Variants in RAPGEF4 observed in about 807,000 individuals in gnomAD.
RAPGEF4 encodes the protein RAP guanine-nucleotide-exchange factor (GEF) 4.
Under a neutral mutation model 147.9 loss-of-function variants are expected in RAPGEF4, and 66 were observed. The observed-to-expected ratio is 0.45, with a 90% CI of 0.37 to 0.55. The LOEUF (loss-of-function observed/expected upper bound fraction) is 0.55. Among genes scored for constraint, RAPGEF4 ranks in the 20% least tolerant of loss-of-function variants. The pLI, the probability that RAPGEF4 is intolerant of heterozygous loss-of-function variation, is 0.00. For missense variants in RAPGEF4, 1,071 were observed against 1,257.3 expected, an observed-to-expected ratio of 0.85 and a Z score of 2.24; for synonymous variants, 419 against 442.7, an observed-to-expected ratio of 0.95 and a Z score of 0.67.
At chr2:172,931,060 C>G (rs761822141) in intron 6 of RAPGEF4, among the ~76,000 whole-genome samples, 1 of 151,798 alleles carries the variant, frequency 6.6e-6, no homozygotes, top group Non-Finnish European at 1.5e-5. Flanking sequence ...CACTTAATAG[C>G]CAGTGACACT....
intron 1 of RAPGEF4, among the ~76,000 whole-genome samples, chr2:172,788,538 G>A (rs1685475263): frequency 6.6e-6 from 1 of 152,112 alleles, no homozygotes; most frequent in Non-Finnish European, 1.5e-5. Context: ...TCATGTGGCA[G>A]GAGTCTAGGC....
At chr2:173,016,269 G>A (rs1486724700) in intron 18 of RAPGEF4, 80 bp from the exon 19 acceptor site, 1 of 955,318 alleles carries the variant, frequency 1.0e-6, no homozygotes, top group South Asian at 1.4e-5. Flanking sequence ...ATGACATAGG[G>A]ACACATCTTT....
chr2:172,809,004 C>T (rs905999514), intron 3 of RAPGEF4, among the ~76,000 whole-genome samples: 2 of 152,222 alleles, frequency 1.3e-5, no homozygotes, highest in African/African-American at 4.8e-5. Flanking sequence ...CCCTGCATAT[C>T]CCACTGAAAA....
rs1695499607 is a variant in RAPGEF4, at chr2:173,016,266, A to G, written c.1810-83A>G. ...GAGATGCTGGTGAAGCAGATGACATAGGGACACATCTTTATTGCTCTTGAC... is the reference window on the plus strand; with the variant it reads ...GAGATGCTGGTGAAGCAGATGACATGGGGACACATCTTTATTGCTCTTGAC... On this transcript the variant is annotated intron_variant, in intron 18 of 30. Coordinates refer to ENST00000397081, the MANE Select transcript of RAPGEF4 (RefSeq NM_007023.4). 5 of 924,590 alleles carry G rather than the reference A, an allele frequency of 5.4e-6. No homozygotes were observed. The South Asian group carries it at 5.6e-5, about 10-fold the overall frequency. The allele number at this position is 924,590 out of a possible 1,614,324, so 57.3% of individuals were successfully genotyped here.
At chr2:172,856,484 A>G (rs1357444159) in intron 4 of RAPGEF4, among the ~76,000 whole-genome samples, 2 of 152,102 alleles carry the variant, frequency 1.3e-5, no homozygotes, top group Admixed American at 6.5e-5. Context: ...ATGTGTAGTA[A>G]TTTTGGAATG....
At chr2:172,856,923 A>C (rs1436780258) in intron 4 of RAPGEF4, among the ~76,000 whole-genome samples, 1 of 151,940 alleles carries the variant, frequency 6.6e-6, no homozygotes, top group African/African-American at 2.4e-5. Context: ...AAGTTATAAA[A>C]ATTGGGTAAT....
chr2:172,773,653 G>A (rs986468840), intron 1 of RAPGEF4, among the ~76,000 whole-genome samples: 1 of 35,002 alleles, frequency 2.9e-5, no homozygotes, highest in Non-Finnish European at 5.8e-5. Flanking sequence ...TGCCCCCCCC[G>A]CGGACCATCC....
chr2:172,788,094 A>G (rs1685407282), intron 1 of RAPGEF4, among the ~76,000 whole-genome samples: 1 of 152,176 alleles, frequency 6.6e-6, no homozygotes, highest in Admixed American at 6.5e-5. Context: ...ATGGAGAGCT[A>G]GTCTCTGGGG....
At chr2:172,960,193 A>G (rs907617821) in intron 6 of RAPGEF4, among the ~76,000 whole-genome samples, 3 of 152,330 alleles carry the variant, frequency 2.0e-5, no homozygotes, top group African/African-American at 2.4e-5. Context: ...TCTTCTACTT[A>G]GTAGAAGAAA....
chr2:173,016,476 AGT>A, intron 19 of RAPGEF4, 39 bp downstream of exon 19: 1 of 1,506,236 alleles, frequency 6.6e-7, no homozygotes. Context: ...GCTTTCATCA[AGT>A]AAATCTCAAA....
At chr2:172,866,418 G>T (rs1694655532) in intron 4 of RAPGEF4, among the ~76,000 whole-genome samples, 1 of 152,002 alleles carries the variant, frequency 6.6e-6, no homozygotes, top group African/African-American at 2.4e-5. Context: ...TTATTTTCTT[G>T]CAGCTTTTTA....
At chr2:172,839,657 T>C (rs1691362786) in intron 4 of RAPGEF4, among the ~76,000 whole-genome samples, 1 of 151,464 alleles carries the variant, frequency 6.6e-6, no homozygotes, top group Non-Finnish European at 1.5e-5. Flanking sequence ...GCCTTAAGCA[T>C]CTGGGAATGC....
chr2:172,834,823 C>T (rs544379529), intron 4 of RAPGEF4, among the ~76,000 whole-genome samples: 8 of 152,162 alleles, frequency 5.3e-5, no homozygotes, highest in South Asian at 2.1e-4. Context: ...CTTTAAACAT[C>T]GAAATAGTCT....
chr2:172,806,832 G>A (rs1414915288), intron 3 of RAPGEF4, among the ~76,000 whole-genome samples: 1 of 152,108 alleles, frequency 6.6e-6, no homozygotes, highest in Non-Finnish European at 1.5e-5. Context: ...AAAATAATAT[G>A]CTTTTATTTG....
At chr2:172,942,422 C>A (rs1687252611) in intron 6 of RAPGEF4, among the ~76,000 whole-genome samples, 1 of 151,604 alleles carries the variant, frequency 6.6e-6, no homozygotes, top group Admixed American at 6.6e-5. Flanking sequence ...TTTGCTGCTC[C>A]CCTTTTCCTA....
intron 10 of RAPGEF4, among the ~76,000 whole-genome samples, chr2:172,969,779 C>T (rs1343436145): frequency 1.3e-5 from 2 of 152,174 alleles, no homozygotes; most frequent in Non-Finnish European, 2.9e-5. Flanking sequence ...TCTCAAGAGA[C>T]ATGAGAGCTT....
chr2:172,794,742 G>A (rs1310946896), intron 1 of RAPGEF4, among the ~76,000 whole-genome samples: 3 of 152,082 alleles, frequency 2.0e-5, no homozygotes, highest in Non-Finnish European at 4.4e-5. Flanking sequence ...GCTTCTAAGG[G>A]ATTAAGTATT....
intron 4 of RAPGEF4, chr2:172,821,834 G>A (rs1315415210): frequency 1.7e-5 from 24 of 1,443,152 alleles, no homozygotes; most frequent in Admixed American, 9.2e-5. Context: ...TCCTTTCTGT[G>A]GACTGAGAGC....
intron 4 of RAPGEF4, among the ~76,000 whole-genome samples, chr2:172,877,029 G>A (rs1696014779): frequency 6.6e-6 from 1 of 152,144 alleles, no homozygotes; most frequent in African/African-American, 2.4e-5. Context: ...TAGTTTATTT[G>A]CGTAGAGGTG....
Sources: gnomAD v4.1 joint callset for allele counts (sites outside exome capture counted in the v4.1 genomes callset) on GRCh38, gnomAD v4.1.1 for gene constraint, MANE v1.5 for transcripts, NCBI Gene and HGNC (gene_info 2026-07-23, HGNC 2026-07-21) for gene names.